Variants in VCL observed in about 807,000 individuals in gnomAD.
VCL encodes epididymis luminal protein 114.
A neutral mutation model predicts 125.7 loss-of-function variants in VCL; 47 were observed. The ratio of observed to expected loss-of-function variants is 0.37; its 90% confidence interval spans 0.30 to 0.48. The LOEUF is 0.48. Among genes scored for constraint, VCL ranks in the 20% least tolerant of loss-of-function variants. The pLI, the probability that VCL is intolerant of heterozygous loss-of-function variation, is 0.99. For synonymous variants in VCL, 458 were observed against 514.6 expected, an observed-to-expected ratio of 0.89 and a Z score of 1.49; for missense variants, 1,069 against 1,455.5, an observed-to-expected ratio of 0.73 and a Z score of 4.32.
chr10:74,047,781 A>G (rs1445315801), intron 2 of VCL, among the ~76,000 whole-genome samples: 2 of 152,204 alleles, frequency 1.3e-5, no homozygotes, highest in Non-Finnish European at 2.9e-5. Flanking sequence ...ATCCTATCAT[A>G]GGCTATTTGT....
chr10:74,114,631 T>C (rs1840284233), intron 20 of VCL, among the ~76,000 whole-genome samples, 164 bp from the exon 21 acceptor site: 1 of 151,374 alleles, frequency 6.6e-6, no homozygotes, highest in Admixed American at 6.6e-5. Flanking sequence ...GAGAAATGGA[T>C]TGTACTGACC....
At chr10:74,046,868 ACTT>A (rs1039287703) in intron 2 of VCL, among the ~76,000 whole-genome samples, 5 of 152,352 alleles carry the variant, frequency 3.3e-5, no homozygotes, top group Admixed American at 6.5e-5. Flanking sequence ...GCTTTCACAG[ACTT>A]CTTTGGGGAC....
chr10:74,112,183 A>G, intron 19 of VCL, 71 bp downstream of exon 19: 2 of 1,562,970 alleles, frequency 1.3e-6, no homozygotes, highest in Non-Finnish European at 1.8e-6. Context: ...GACACATTGC[A>G]TCACTCATGA....
intron 2 of VCL, among the ~76,000 whole-genome samples, chr10:74,060,971 A>G (rs1469356755): frequency 6.6e-6 from 1 of 151,952 alleles, no homozygotes; most frequent in East Asian, 1.9e-4. Flanking sequence ...ATAGCATAAG[A>G]TTTTTTTTCT....
At chr10:74,025,052 G>A (rs1840746417) in intron 1 of VCL, among the ~76,000 whole-genome samples, 1 of 152,072 alleles carries the variant, frequency 6.6e-6, no homozygotes, top group African/African-American at 2.4e-5. Context: ...TTGAGACAAA[G>A]TCTTGCTCTG....
At chr10:74,040,150 CCGT>C (rs1841065851) in intron 1 of VCL, among the ~76,000 whole-genome samples, 3 of 152,174 alleles carry the variant, frequency 2.0e-5, no homozygotes, top group African/African-American at 7.2e-5. Flanking sequence ...TGTTTCCAGC[CCGT>C]ACTCTTTATT....
intron 1 of VCL, among the ~76,000 whole-genome samples, chr10:74,015,771 G>A (rs192063987): frequency 1.8e-4 from 27 of 150,394 alleles, no homozygotes; most frequent in African/African-American, 3.4e-4. Context: ...TGCAACCTCC[G>A]CCTCCCAGGT....
chr10:74,105,138 C>T lies in VCL; in HGVS notation c.2219C>T (p.Ala740Val), dbSNP rs775403638. ...AAAGACCTGGACAAGTGCAAGGTAG[C>T]TATGGCCAACATTCAGCCTCAGATG... ...IKKDLDKCKV[A>V]MANIQPQMLV... Residue 740 changes from alanine to valine, a missense_variant, in exon 16 of 22, where the codon GCT becomes GTT. This residue lies in a region of VCL where 760 missense variants were observed against 928.9 expected (regional missense o/e 0.82). Coordinates refer to ENST00000211998, the MANE Select transcript of VCL (RefSeq NM_014000.3). 4.3e-6 allele frequency: 7 copies of T among 1,614,072 alleles called. No individual in the cohort carries two copies. Among genetic ancestry groups the T allele is most frequent in the Non-Finnish European group, 5.9e-6 (7 of 1,180,036 alleles).
intron 1 of VCL, among the ~76,000 whole-genome samples, chr10:74,025,112 G>T (rs1383711886): frequency 6.6e-6 from 1 of 152,144 alleles, no homozygotes; most frequent in Admixed American, 6.5e-5. Context: ...TGCCTCCTGG[G>T]TTCAAGCGAT....
intron 6 of VCL, among the ~76,000 whole-genome samples, chr10:74,078,191 C>G (rs550575843): frequency 5.5e-4 from 84 of 152,272 alleles, no homozygotes; most frequent in Admixed American, 1.1e-3. Context: ...ACTCCTGCAG[C>G]TTTGCACCGT....
Position 73,998,219 on chromosome 10 carries a change from T to G in VCL, c.12T>G (p.Phe4Leu). 6.2e-7 allele frequency: 1 copy of G among 1,612,858 alleles called. No homozygotes were observed. The highest frequency in any genetic ancestry group is 1.1e-5 in the South Asian group (1 of 90,860). Residue 4 changes from phenylalanine (F) to leucine (L), a missense_variant, in exon 1 of 22, where the codon TTT becomes TTG. By Grantham distance (22) the Phe-to-Leu change is conservative. Transcript: ENST00000211998. ...CGCTCGCCGCCGCGATGCCAGTGTT[T>G]CATACGCGCACGATCGAGAGCATCC... MPV[F>L]HTRTIESILE...
intron 5 of VCL, among the ~76,000 whole-genome samples, chr10:74,073,865 A>T (rs941963243): frequency 6.6e-6 from 1 of 152,196 alleles, no homozygotes; most frequent in South Asian, 2.1e-4. Context: ...CTGGTGACTC[A>T]TGTCATTGTG....
At position 74,071,187 on chromosome 10, in the gene VCL, G is replaced by C; in HGVS notation, c.499+104G>C. Reference sequence around the variant, plus strand: ...CTTTTTGCAGAAGATAGGTGAAGATGCATTGGGCTTTCAGGTGTCTGCTCT... The same window carrying C: ...CTTTTTGCAGAAGATAGGTGAAGATCCATTGGGCTTTCAGGTGTCTGCTCT... On this transcript the variant is annotated intron_variant, in intron 4 of 21. Transcript: ENST00000211998. The surrounding 1 kb of genome is among the most constrained non-coding windows in gnomAD (Gnocchi z 4.1). The C allele has an allele frequency of 3.9e-6, 4 of 1,037,146 alleles. No homozygotes were observed. Among genetic ancestry groups the C allele is most frequent in the Non-Finnish European group, 6.0e-6 (4 of 671,106 alleles). 64.2% of individuals were successfully genotyped at this position (1,037,146 alleles called of 1,614,324 possible).
intron 18 of VCL, 101 bp downstream of exon 18, chr10:74,109,257 T>C: frequency 6.9e-7 from 1 of 1,446,624 alleles, no homozygotes; most frequent in Non-Finnish European, 9.5e-7. Context: ...AGTCACCCTC[T>C]CTCTCTCCTT....
At chr10:74,085,373 G>A (rs1420612337) in intron 8 of VCL, among the ~76,000 whole-genome samples, 1 of 152,162 alleles carries the variant, frequency 6.6e-6, no homozygotes, top group Non-Finnish European at 1.5e-5. Context: ...GAAACATAGC[G>A]TGAAAACATT....
intron 18 of VCL, among the ~76,000 whole-genome samples, chr10:74,111,208 G>A (rs1840213646): frequency 6.6e-6 from 1 of 152,174 alleles, no homozygotes; most frequent in South Asian, 2.1e-4. Flanking sequence ...CGGCTGACGA[G>A]GTGGCTTCTT....
intron 2 of VCL, among the ~76,000 whole-genome samples, chr10:74,056,179 T>C (rs1252850174): frequency 6.6e-6 from 1 of 151,018 alleles, no homozygotes; most frequent in Non-Finnish European, 1.5e-5. Flanking sequence ...GTTTTGTGTG[T>C]GTGTGTGCTC....
rs1467028763 is a variant in VCL, at chr10:74,090,146, TC to T, written c.1303del (p.Glu437LysfsTer5). 1.2e-6 allele frequency: 2 copies of T among 1,614,084 alleles called. No homozygotes were observed. Among genetic ancestry groups the T allele is most frequent in the Non-Finnish European group, 1.7e-6 (2 of 1,180,046 alleles). On this transcript the variant is annotated frameshift_variant, in exon 10 of 22. Coordinates refer to ENST00000211998, the MANE Select transcript of VCL (RefSeq NM_014000.3). LOFTEE classifies it high-confidence loss of function. Reference protein sequence around the residue: ...DPKERDDILRSLGEISALTSK... With the variant: ...DPKERDDILRXLGEISALTSK... ...TAAAGAAAGAGATGACATTCTACGT[TC>T]CCTTGGGGAAATATCTGCTCTGACT...
At chr10:74,063,287 A>T (rs1324694704) in intron 2 of VCL, among the ~76,000 whole-genome samples, 1 of 152,192 alleles carries the variant, frequency 6.6e-6, no homozygotes, top group East Asian at 1.9e-4. Flanking sequence ...TGACTGGATG[A>T]GAGTTTCCTC....
Sources: gnomAD v4.1 joint callset for allele counts (sites outside exome capture counted in the v4.1 genomes callset) on GRCh38, gnomAD v4.1.1 for gene constraint, gnomAD v4.1.1 regional missense constraint, Gnocchi (gnomAD v3.1) non-coding constraint, MANE v1.5 for transcripts, NCBI Gene and HGNC (gene_info 2026-07-23, HGNC 2026-07-21) for gene names.